VCF1: variants seen among roughly 807,000 people sequenced by gnomAD.
The protein encoded by VCF1 is protein VCF1.
At chr17:73,213,995 G>C in the VCF1 span, among the ~76,000 whole-genome samples, 4 of 152,016 alleles carry the variant, frequency 2.6e-5, no homozygotes, top group African/African-American at 9.7e-5. Flanking sequence ...AATGCTACTA[G>C]GAAACCAAGT....
At chr17:73,208,571 C>A in the VCF1 span, 4 of 1,239,524 alleles carry the variant, frequency 3.2e-6, no homozygotes, top group Non-Finnish European at 4.7e-6. Flanking sequence ...TGGAATGTGG[C>A]CCCCTAGTTA....
chr17:73,208,928 A>C, the VCF1 span: 1 of 281,290 alleles, frequency 3.6e-6, no homozygotes, highest in Non-Finnish European at 6.9e-6. Flanking sequence ...CAAAGAGTAG[A>C]GACTATTATT....
At chr17:73,223,151 T>G in the VCF1 span, among the ~76,000 whole-genome samples, 1 of 151,954 alleles carries the variant, frequency 6.6e-6, no homozygotes. Flanking sequence ...AACCTTGCCT[T>G]TACTAAAAAT....
At chr17:73,218,714 G>A in the VCF1 span, among the ~76,000 whole-genome samples, 5 of 151,702 alleles carry the variant, frequency 3.3e-5, no homozygotes, top group African/African-American at 4.9e-5. Context: ...GAGAAACCCC[G>A]TCTCTACTAA....
At chr17:73,211,483 G>A in the VCF1 span, among the ~76,000 whole-genome samples, 8,242 of 150,504 alleles carry the variant, frequency 0.055, 448 homozygotes, top group East Asian at 0.17. Context: ...GCAGGAGATC[G>A]CTTGAACCTG....
the VCF1 span, among the ~76,000 whole-genome samples, chr17:73,225,081 G>T: frequency 1.3e-5 from 1 of 74,222 alleles, no homozygotes; most frequent in African/African-American, 4.7e-5. Flanking sequence ...CAGTAAGCAA[G>T]GCTGAAACTA....
At chr17:73,223,287 A>C in the VCF1 span, among the ~76,000 whole-genome samples, 2 of 152,206 alleles carry the variant, frequency 1.3e-5, no homozygotes, top group African/African-American at 4.8e-5. Flanking sequence ...ATTGCACTCC[A>C]GTCTGGGCAA....
chr17:73,213,523 A>G, the VCF1 span, among the ~76,000 whole-genome samples: 4 of 152,236 alleles, frequency 2.6e-5, no homozygotes, highest in African/African-American at 4.8e-5. Flanking sequence ...TCATACATAT[A>G]TTTATATACA....
chr17:73,208,307 A>G, the VCF1 span: 40 of 1,613,210 alleles, frequency 2.5e-5, no homozygotes, highest in Non-Finnish European at 3.4e-5. Flanking sequence ...TCTACATCCA[A>G]TGGCAGGTTG....
At chr17:73,215,834 C>CT in the VCF1 span, among the ~76,000 whole-genome samples, 13 of 152,306 alleles carry the variant, frequency 8.5e-5, no homozygotes, top group Middle Eastern at 3.4e-3. Flanking sequence ...TGGATGCTGA[C>CT]TGAGTACTAG....
At chr17:73,228,323 T>C in the VCF1 span, among the ~76,000 whole-genome samples, 2 of 152,270 alleles carry the variant, frequency 1.3e-5, no homozygotes, top group Non-Finnish European at 2.9e-5. Flanking sequence ...GGAAAGCATG[T>C]ACATTTGGAG....
chr17:73,216,599 G>A, the VCF1 span, among the ~76,000 whole-genome samples: 1 of 152,144 alleles, frequency 6.6e-6, no homozygotes, highest in Non-Finnish European at 1.5e-5. Flanking sequence ...AAAGGAATCT[G>A]AAGAGCCGAA....
the VCF1 span, among the ~76,000 whole-genome samples, chr17:73,225,859 AGG>A: frequency 9.7e-5 from 14 of 143,724 alleles, no homozygotes; most frequent in African/African-American, 3.6e-4. Flanking sequence ...AAAAGCAAAT[AGG>A]AAAAAAATAT....
chr17:73,216,950 C>T, the VCF1 span, among the ~76,000 whole-genome samples: 1 of 152,214 alleles, frequency 6.6e-6, no homozygotes, highest in African/African-American at 2.4e-5. Flanking sequence ...CCACCTCAGA[C>T]AGAAATATTA....
chr17:73,230,871 A>T, the VCF1 span, among the ~76,000 whole-genome samples: 1 of 152,246 alleles, frequency 6.6e-6, no homozygotes, highest in African/African-American at 2.4e-5. Context: ...CAGATTAGTT[A>T]TGTACAGTAG....
At chr17:73,213,670 C>G in the VCF1 span, among the ~76,000 whole-genome samples, 1 of 152,078 alleles carries the variant, frequency 6.6e-6, no homozygotes, top group African/African-American at 2.4e-5. Flanking sequence ...AGTAAGTGAA[C>G]TAAAGAATGC....
the VCF1 span, chr17:73,208,051 G>T: frequency 1.5e-6 from 2 of 1,374,044 alleles, no homozygotes; most frequent in South Asian, 1.5e-5. Flanking sequence ...CATTAGGTTA[G>T]CAGGCTGTGG....
the VCF1 span, among the ~76,000 whole-genome samples, chr17:73,211,087 A>C: frequency 6.6e-6 from 1 of 152,152 alleles, no homozygotes; most frequent in African/African-American, 2.4e-5. Flanking sequence ...ATACATCCAC[A>C]TTTATGTTCC....
the VCF1 span, among the ~76,000 whole-genome samples, chr17:73,212,212 T>A: frequency 6.6e-6 from 1 of 152,226 alleles, no homozygotes; most frequent in Admixed American, 6.5e-5. Context: ...TTAAAGTGAT[T>A]CTTAAAATCC....
Sources: gnomAD v4.1 joint callset for allele counts (sites outside exome capture counted in the v4.1 genomes callset) on GRCh38, gnomAD v4.1.1 for gene constraint, MANE v1.5 for transcripts, NCBI Gene and HGNC (gene_info 2026-07-23, HGNC 2026-07-21) for gene names.